NAV3: variants seen among roughly 807,000 people sequenced by gnomAD.
The protein encoded by NAV3 is pore membrane and/or filament interacting like protein 1.
Under a neutral mutation model 244.7 loss-of-function variants are expected in NAV3, and 87 were observed. The ratio of observed to expected loss-of-function variants is 0.36; its 90% CI spans 0.30 to 0.42. The LOEUF is 0.42. Among genes scored for constraint, NAV3 ranks in the 20% least tolerant of loss-of-function variants. NAV3 has a pLI of 1.00. For synonymous variants in NAV3, 1,126 were observed against 1,042.2 expected (o/e 1.08, Z -1.55); for missense variants, 2,663 against 2,893.3 (o/e 0.92, Z 1.83).
rs300506 is a variant in NAV3 at position 78,192,784 on chromosome 12, A to G, written c.6291+2565A>G. Among the ~76,000 whole-genome samples the G allele has an allele frequency of 8.4e-3, 1,273 of 152,226 alleles. 11 individuals carry two copies. Among genetic ancestry groups the G allele is most frequent in the Non-Finnish European group, 0.013 (902 of 68,010 alleles). On this transcript the variant is annotated intron_variant, in intron 34 of 39. Coordinates refer to ENST00000397909, the MANE Select transcript of NAV3 (RefSeq NM_001024383.2). ...CACAAATTATAACTAAAAAATATTT[A>G]TTTTTTATGTTATTCCTTATGGTTT...
At chr12:78,160,396 TGTGC>T (rs1555184762) in intron 23 of NAV3, among the ~76,000 whole-genome samples, 1 of 85,980 alleles carries the variant, frequency 1.2e-5, no homozygotes, top group Non-Finnish European at 2.3e-5. Flanking sequence ...TGTGTGTGTG[TGTGC>T]GTGCGTGTGT....
intron 2 of NAV3, among the ~76,000 whole-genome samples, chr12:77,806,169 G>T (rs936300624): frequency 1.3e-5 from 2 of 152,088 alleles, no homozygotes; most frequent in Non-Finnish European, 2.9e-5. Context: ...ATCTCCTTCA[G>T]TTCTGCTCTG....
intron 5 of NAV3, among the ~76,000 whole-genome samples, chr12:77,992,979 T>C (rs1260885999): frequency 6.6e-6 from 1 of 152,210 alleles, no homozygotes; most frequent in Non-Finnish European, 1.5e-5. Flanking sequence ...AAGCTGCCTT[T>C]CAAGGGATTA....
At chr12:77,746,905 C>T (rs888883472) in intron 2 of NAV3, among the ~76,000 whole-genome samples, 2 of 152,048 alleles carry the variant, frequency 1.3e-5, no homozygotes, top group Non-Finnish European at 2.9e-5. Flanking sequence ...CATATAGTCT[C>T]AATAGTTATT....
intron 3 of NAV3, among the ~76,000 whole-genome samples, chr12:77,966,028 A>G (rs1278768958): frequency 1.3e-5 from 2 of 152,206 alleles, no homozygotes; most frequent in East Asian, 3.8e-4. Context: ...AATTGTTTGT[A>G]AGTACCAGCT....
intron 23 of NAV3, among the ~76,000 whole-genome samples, chr12:78,161,605 TA>T (rs1283517134): frequency 6.6e-6 from 1 of 152,128 alleles, no homozygotes; most frequent in African/African-American, 2.4e-5. Flanking sequence ...TAAGAGATTT[TA>T]TAATGTGTCT....
chr12:77,955,542 C>A (rs866341593), intron 3 of NAV3, among the ~76,000 whole-genome samples: 1 of 152,106 alleles, frequency 6.6e-6, no homozygotes, highest in Admixed American at 6.6e-5. Flanking sequence ...TAATAACTTT[C>A]TCCTTTCCTA....
chr12:78,018,347 G>T (rs991780771), intron 8 of NAV3, among the ~76,000 whole-genome samples: 10 of 152,126 alleles, frequency 6.6e-5, no homozygotes, highest in African/African-American at 2.4e-4. Flanking sequence ...TTAACCAATG[G>T]AATTAAGTCT....
At chr12:77,728,558 T>G (rs1168303613) in intron 2 of NAV3, among the ~76,000 whole-genome samples, 1 of 151,904 alleles carries the variant, frequency 6.6e-6, no homozygotes, top group African/African-American at 2.4e-5. Flanking sequence ...AACACATCAA[T>G]AGGGTAATAC....
At chr12:77,648,127 T>G (rs1161582883) in intron 2 of NAV3, among the ~76,000 whole-genome samples, 1 of 152,100 alleles carries the variant, frequency 6.6e-6, no homozygotes, top group East Asian at 1.9e-4. Flanking sequence ...AAAATAAAAT[T>G]GAATATTTCA....
At chr12:77,864,135 G>T (rs1284766789) in intron 1 of NAV3, among the ~76,000 whole-genome samples, 1 of 151,750 alleles carries the variant, frequency 6.6e-6, no homozygotes, top group Non-Finnish European at 1.5e-5. Context: ...CCCCAATTTG[G>T]TTTGTACTTT....
chr12:77,681,962 A>C (rs1472451675), intron 2 of NAV3, among the ~76,000 whole-genome samples: 1 of 152,218 alleles, frequency 6.6e-6, no homozygotes, highest in African/African-American at 2.4e-5. Context: ...CACATGCATT[A>C]TCTTGCATGT....
In NAV3 at chr12:77,622,361, G is replaced by A. The variant is rs559531255; in HGVS notation, c.72+50095G>A. ...TTTTTAGTAGAGACAGGGTTTCACC[G>A]TGTTAGCCAGGATGGTCTCGATCTC... On this transcript the variant is annotated intron_variant, in intron 2 of 8. Transcript: ENST00000550042. 1.6e-4 allele frequency among the ~76,000 whole-genome samples: 24 copies of A among 151,556 alleles called. No individual in the cohort carries two copies. In the East Asian group the frequency reaches 2.3e-3, roughly 15 times the overall value.
At chr12:78,054,317 T>A (rs1883176386) in intron 11 of NAV3, among the ~76,000 whole-genome samples, 1 of 152,208 alleles carries the variant, frequency 6.6e-6, no homozygotes, top group African/African-American at 2.4e-5. Context: ...ATGATTTTTC[T>A]CTTAACTGAG....
intron 12 of NAV3, among the ~76,000 whole-genome samples, chr12:78,098,871 A>G (rs1460527714): frequency 2.0e-5 from 3 of 151,804 alleles, no homozygotes; most frequent in Non-Finnish European, 4.4e-5. Context: ...GTAACTGAAA[A>G]CTATTAATAT....
intron 19 of NAV3, among the ~76,000 whole-genome samples, chr12:78,137,949 C>T (rs1956444852): frequency 6.6e-6 from 1 of 152,018 alleles, no homozygotes; most frequent in Non-Finnish European, 1.5e-5. Flanking sequence ...GCTTGAAAAC[C>T]TCAGGAAGCT....
At chr12:77,939,914 A>G (rs1241640835) in intron 1 of NAV3, among the ~76,000 whole-genome samples, 1 of 152,216 alleles carries the variant, frequency 6.6e-6, no homozygotes, top group African/African-American at 2.4e-5. Flanking sequence ...TCAGAGAAAC[A>G]CAATTTTTTA....
intron 2 of NAV3, among the ~76,000 whole-genome samples, chr12:77,573,378 G>C (rs1868924008): frequency 6.6e-6 from 1 of 152,122 alleles, no homozygotes; most frequent in South Asian, 2.1e-4. Flanking sequence ...AGGCAGAAAT[G>C]CATAGATTGT....
At chr12:78,175,853 G>T (rs1049342733) in intron 25 of NAV3, among the ~76,000 whole-genome samples, 2 of 151,834 alleles carry the variant, frequency 1.3e-5, no homozygotes, top group Non-Finnish European at 2.9e-5. Flanking sequence ...GGGGTTTATT[G>T]TGGGCATAGA....
Sources: allele counts gnomAD v4.1 joint callset (sites outside exome capture counted in the v4.1 genomes callset), GRCh38; gene constraint gnomAD v4.1.1; transcripts MANE v1.5; gene names NCBI Gene and HGNC (gene_info 2026-07-23, HGNC 2026-07-21).